Variants in SLC12A8 observed in about 807,000 individuals in gnomAD.
SLC12A8 encodes solute carrier family 12 member 8.
A neutral mutation model predicts 75.6 loss-of-function variants in SLC12A8; 69 were observed. The ratio of observed to expected loss-of-function variants is 0.91; its 90% CI spans 0.75 to 1.11. The LOEUF (loss-of-function observed/expected upper bound fraction) is 1.11, where lower values mean the gene tolerates loss of function less well. Ranked by LOEUF, SLC12A8 falls within the 50% of genes most tolerant of loss-of-function variation. The pLI is 0.00. For synonymous variants in SLC12A8, 365 were observed against 372.8 expected (o/e 0.98, Z 0.24); for missense variants, 877 against 896.7 (o/e 0.98, Z 0.28).
intron 2 of SLC12A8, among the ~76,000 whole-genome samples, chr3:125,207,058 A>G (rs1348870681): frequency 6.6e-6 from 1 of 152,210 alleles, no homozygotes; most frequent in Non-Finnish European, 1.5e-5. Context: ...AGGACACAGA[A>G]GGGAAAGAGC....
In SLC12A8 at chr3:125,119,085, T is replaced by A. The variant is rs887396153; in HGVS notation, c.825-229A>T. On this transcript the variant is annotated intron_variant, in intron 7 of 13. Coordinates refer to ENST00000469902, the MANE Select transcript of SLC12A8 (RefSeq NM_024628.6). ...CATTGTTTTGTTTCTTTTTTTACTTTTAAATATATATAAAAATATGGAACA... is the reference window on the plus strand; with the variant it reads ...CATTGTTTTGTTTCTTTTTTTACTTATAAATATATATAAAAATATGGAACA... 2.5e-5 allele frequency: 10 copies of A among 397,524 alleles called. No homozygotes were observed. In the East Asian group the frequency reaches 4.2e-4, roughly 17 times the overall value. 24.6% of individuals were successfully genotyped at this position (397,524 alleles called of 1,614,324 possible).
chr3:125,163,188 C>T (rs557353776), intron 5 of SLC12A8, among the ~76,000 whole-genome samples: 2 of 152,010 alleles, frequency 1.3e-5, no homozygotes, highest in Non-Finnish European at 2.9e-5. Context: ...GTCCCAGCTA[C>T]TCAGGAGGCT....
At chr3:125,156,570 C>T (rs757441913) in intron 5 of SLC12A8, among the ~76,000 whole-genome samples, 45 of 152,126 alleles carry the variant, frequency 3.0e-4, no homozygotes, top group Non-Finnish European at 5.3e-4. Flanking sequence ...TGGATGTTCC[C>T]GATGGCGGTG....
chr3:125,157,507 C>A (rs1490726465), intron 5 of SLC12A8, among the ~76,000 whole-genome samples: 1 of 152,208 alleles, frequency 6.6e-6, no homozygotes, highest in African/African-American at 2.4e-5. Flanking sequence ...GCACCATCAC[C>A]TCAGGGAACT....
chr3:125,142,000 G>C (rs996411648), intron 5 of SLC12A8, among the ~76,000 whole-genome samples: 1 of 152,160 alleles, frequency 6.6e-6, no homozygotes, highest in Non-Finnish European at 1.5e-5. Flanking sequence ...CGGAGACTGC[G>C]CGAGGCTCCT....
intron 12 of SLC12A8, among the ~76,000 whole-genome samples, chr3:125,089,206 G>C (rs983214827): frequency 1.3e-5 from 2 of 152,126 alleles, no homozygotes; most frequent in Admixed American, 6.5e-5. Context: ...CTGATAACCT[G>C]TTTCCTCAAT....
At chr3:125,211,781 C>G (rs1217923069) in intron 1 of SLC12A8, among the ~76,000 whole-genome samples, 1 of 152,150 alleles carries the variant, frequency 6.6e-6, no homozygotes, top group African/African-American at 2.4e-5. Flanking sequence ...GGCATCATGA[C>G]GCACTAGACC....
At chr3:125,120,544 TG>T in intron 7 of SLC12A8, 54 bp downstream of exon 7, 1 of 1,302,288 alleles carries the variant, frequency 7.7e-7, no homozygotes, top group Non-Finnish European at 1.1e-6. Context: ...CTCTTCTGCC[TG>T]GGGTTTTCTC....
At chr3:125,114,047 G>T (rs1053398423) in intron 8 of SLC12A8, among the ~76,000 whole-genome samples, 10 of 152,060 alleles carry the variant, frequency 6.6e-5, no homozygotes, top group African/African-American at 2.4e-4. Flanking sequence ...TCTCAACAAC[G>T]CTTTTTTTCC....
At chr3:125,089,041 A>G (rs570217071) in intron 12 of SLC12A8, among the ~76,000 whole-genome samples, 2 of 152,358 alleles carry the variant, frequency 1.3e-5, no homozygotes, top group South Asian at 2.1e-4. Context: ...CTTTAGAGAA[A>G]CAAATCAAAT....
chr3:125,131,931 G>A (rs555156774), intron 6 of SLC12A8, among the ~76,000 whole-genome samples: 18 of 152,240 alleles, frequency 1.2e-4, no homozygotes, highest in Middle Eastern at 3.4e-3. Flanking sequence ...GTGGGGAGCC[G>A]GTAAGACCCC....
chr3:125,178,029 G>T, intron 4 of SLC12A8, 55 bp from the exon 5 acceptor site: 1 of 1,439,510 alleles, frequency 6.9e-7, no homozygotes, highest in Non-Finnish European at 9.7e-7. Context: ...ATGGGCCCAT[G>T]GGCAGAACCG....
chr3:125,190,482 G>C lies in SLC12A8; in HGVS notation c.91C>G (p.Leu31Val), dbSNP rs537202971. The C allele has an allele frequency of 6.2e-6, 10 of 1,614,198 alleles. No individual in the cohort carries two copies. The East Asian group carries it at 2.0e-4, about 32-fold the overall frequency. The change falls in exon 3 of 14, where the codon CTG becomes GTG. Residue 31 changes from leucine (L) to valine (V), a missense_variant. Physicochemically the swap from Leu to Val is conservative, Grantham distance 32 (BLOSUM62 1). Coordinates refer to ENST00000469902, the MANE Select transcript of SLC12A8 (RefSeq NM_024628.6). ...AQPQPWWKTQ[L>V]FMWEPVLFGT... is the part of the protein sequence containing the mutation. ...AACAGCACAGGCTCCCACATGAACA[G>C]CTGGGTCTTCCACCAGGGCTGGGGC...
At chr3:125,172,274 T>A (rs200766061) in intron 5 of SLC12A8, among the ~76,000 whole-genome samples, 5 of 145,768 alleles carry the variant, frequency 3.4e-5, no homozygotes, top group Non-Finnish European at 6.0e-5. Flanking sequence ...AACTCCTTCT[T>A]AAAAAAAAAA....
intron 6 of SLC12A8, 63 bp from the exon 7 acceptor site, chr3:125,120,749 G>A: frequency 7.8e-7 from 1 of 1,278,218 alleles, no homozygotes; most frequent in Non-Finnish European, 1.1e-6. Context: ...CTTCCCCAGG[G>A]CTGCCCCTTC....
chr3:125,090,063 T>A (rs913534026), intron 12 of SLC12A8, among the ~76,000 whole-genome samples: 17 of 151,970 alleles, frequency 1.1e-4, no homozygotes, highest in African/African-American at 4.1e-4. Context: ...ATTTGGGGAT[T>A]TTCTTTTCTT....
At chr3:125,160,606 G>A (rs1039427739) in intron 5 of SLC12A8, among the ~76,000 whole-genome samples, 3 of 152,156 alleles carry the variant, frequency 2.0e-5, no homozygotes, top group Non-Finnish European at 2.9e-5. Context: ...TTGCAAATGC[G>A]AGTTTAGATG....
chr3:125,117,854 G>A (rs1035119311), intron 8 of SLC12A8, among the ~76,000 whole-genome samples: 2 of 152,130 alleles, frequency 1.3e-5, no homozygotes, highest in African/African-American at 4.8e-5. Flanking sequence ...TCCAGCCAAT[G>A]CCAGGAATTC....
intron 4 of SLC12A8, among the ~76,000 whole-genome samples, chr3:125,182,248 G>C (rs1934680911): frequency 6.6e-6 from 1 of 152,034 alleles, no homozygotes. Context: ...GATCACTGGA[G>C]CCCAGGAGTG....
Sources: gnomAD v4.1 joint callset for allele counts (sites outside exome capture counted in the v4.1 genomes callset) on GRCh38, gnomAD v4.1.1 for gene constraint, MANE v1.5 for transcripts, NCBI Gene and HGNC (gene_info 2026-07-23, HGNC 2026-07-21) for gene names.